Variants in ADARB2 observed in about 807,000 individuals in gnomAD.
ADARB2 encodes the protein inactive double-stranded RNA-specific editase B2.
In ADARB2, 25 loss-of-function variants were observed where a neutral mutation model predicts 62.2. That is an observed-to-expected ratio of 0.40 (90% confidence interval 0.29 to 0.56). ADARB2 has a LOEUF of 0.56. Ranked by LOEUF, ADARB2 falls within the 20% of genes least tolerant of loss-of-function variation. The pLI, the probability that ADARB2 is intolerant of heterozygous loss-of-function variation, is 0.43. For missense variants in ADARB2, 1,071 were observed against 1,077.4 expected (o/e 0.99, Z 0.08); for synonymous variants, 572 against 500.8 (o/e 1.14, Z -1.90).
At chr10:1,572,307 G>C (rs945754474) in intron 1 of ADARB2, among the ~76,000 whole-genome samples, 1 of 152,158 alleles carries the variant, frequency 6.6e-6, no homozygotes, top group Non-Finnish European at 1.5e-5. Flanking sequence ...GAGCTTGCAG[G>C]TGCGTGTGCA....
chr10:1,309,013 GA>G (rs1831658981), intron 3 of ADARB2, among the ~76,000 whole-genome samples: 1 of 152,164 alleles, frequency 6.6e-6, no homozygotes, highest in African/African-American at 2.4e-5. Context: ...AAAAGGCAAT[GA>G]TTTTTTTATA....
intron 1 of ADARB2, among the ~76,000 whole-genome samples, chr10:1,670,603 T>A (rs1834372111): frequency 1.3e-5 from 2 of 152,138 alleles, no homozygotes. Context: ...CCTGCCACAC[T>A]TGACTCATTC....
intron 1 of ADARB2, among the ~76,000 whole-genome samples, chr10:1,468,547 C>G (rs557129918): frequency 6.6e-6 from 1 of 152,218 alleles, no homozygotes; most frequent in African/African-American, 2.4e-5. Context: ...AATCCCCCAG[C>G]GCTGCTATCC....
chr10:1,196,136 C>G (rs1836908365), intron 8 of ADARB2, among the ~76,000 whole-genome samples: 1 of 151,982 alleles, frequency 6.6e-6, no homozygotes, highest in South Asian at 2.1e-4. Context: ...TGCGCAGTGT[C>G]ACCGCCACAC....
chr10:1,247,239 T>C (rs1830994417), intron 4 of ADARB2, among the ~76,000 whole-genome samples: 1 of 152,194 alleles, frequency 6.6e-6, no homozygotes, highest in Admixed American at 6.5e-5. Context: ...GCTGAGACAA[T>C]GGGGTTTTCT....
chr10:1,552,806 A>T (rs777371870), intron 1 of ADARB2, among the ~76,000 whole-genome samples: 1 of 152,168 alleles, frequency 6.6e-6, no homozygotes, highest in Non-Finnish European at 1.5e-5. Context: ...GTCCTGCCGG[A>T]CACTCACCCC....
At chr10:1,271,867 C>T (rs1831266623) in intron 3 of ADARB2, among the ~76,000 whole-genome samples, 1 of 152,232 alleles carries the variant, frequency 6.6e-6, no homozygotes, top group Non-Finnish European at 1.5e-5. Flanking sequence ...CGTTGCAGGC[C>T]TTGGAGTAGG....
At position 1,344,323 on chromosome 10, in the gene ADARB2, G is replaced by T. The variant is rs562113228; in HGVS notation, c.1077+18705C>A. 2.0e-5 allele frequency among the ~76,000 whole-genome samples: 3 copies of T among 152,346 alleles called. No homozygotes were observed. In the South Asian group the frequency reaches 6.2e-4, roughly 32 times the overall value. ...TGTGTGAACTCTTGGAGCCTGCGTG[G>T]CCGTCGCGGCAATGACCTGGTGAGA... On this transcript the variant is annotated intron_variant, in intron 3 of 9. Coordinates refer to ENST00000381312, the MANE Select transcript of ADARB2 (RefSeq NM_018702.4).
At chr10:1,313,896 T>G (rs943524004) in intron 3 of ADARB2, among the ~76,000 whole-genome samples, 1 of 152,226 alleles carries the variant, frequency 6.6e-6, no homozygotes, top group Non-Finnish European at 1.5e-5. Flanking sequence ...CAGCTGGCAA[T>G]GCCAAACACC....
At chr10:1,446,513 T>C (rs1201742858) in intron 1 of ADARB2, among the ~76,000 whole-genome samples, 1 of 152,070 alleles carries the variant, frequency 6.6e-6, no homozygotes, top group Non-Finnish European at 1.5e-5. Flanking sequence ...AGTGGGTAAG[T>C]ATGAGTGCTG....
intron 6 of ADARB2, among the ~76,000 whole-genome samples, chr10:1,232,208 A>G (rs966999633): frequency 6.6e-5 from 10 of 151,916 alleles, no homozygotes; most frequent in Admixed American, 2.0e-4. Flanking sequence ...CACACACACC[A>G]CATACACCAC....
In ADARB2 at chr10:1,398,851, C is replaced by T. The variant is rs1326539237; in HGVS notation, c.101-19691G>A. 3.3e-5 allele frequency among the ~76,000 whole-genome samples: 5 copies of T among 152,064 alleles called. No individual in the cohort carries two copies. The highest frequency in any genetic ancestry group is 2.0e-4 in the Admixed American group (3 of 15,260). On this transcript the variant is annotated intron_variant, in intron 1 of 9. Coordinates refer to ENST00000381312, the MANE Select transcript of ADARB2 (RefSeq NM_018702.4). The surrounding 1 kb of genome is among the most constrained non-coding windows in gnomAD (Gnocchi z 4.1). The stretch of plus-strand genomic sequence containing the variant: ...CTCCGCAGCAGCAGCGCAGCCTGCA[C>T]GAGGTTGCTGGGGGAAACAGACCGC...
chr10:1,422,453 A>G (rs574419587), intron 1 of ADARB2, among the ~76,000 whole-genome samples: 31 of 152,264 alleles, frequency 2.0e-4, no homozygotes, highest in African/African-American at 7.2e-4. Context: ...GGTGGACCTC[A>G]ACCCACCTGG....
chr10:1,194,537 C>T (rs1327716719), intron 8 of ADARB2, among the ~76,000 whole-genome samples: 3 of 151,988 alleles, frequency 2.0e-5, no homozygotes, highest in Non-Finnish European at 4.4e-5. Flanking sequence ...ATCTATCTAT[C>T]TGTCTGTCTG....
chr10:1,456,845 A>G (rs1450457551), intron 1 of ADARB2, among the ~76,000 whole-genome samples: 6 of 152,060 alleles, frequency 3.9e-5, no homozygotes, highest in African/African-American at 9.7e-5. Flanking sequence ...CTGGGGCTGG[A>G]GCGCAATGGC....
chr10:1,423,989 C>T, intron 1 of ADARB2, among the ~76,000 whole-genome samples: 1 of 152,050 alleles, frequency 6.6e-6, no homozygotes, highest in East Asian at 1.9e-4. Context: ...TGCAGTATGA[C>T]CATTATGTAT....
At chr10:1,727,769 A>G (rs975843823) in intron 1 of ADARB2, among the ~76,000 whole-genome samples, 1 of 152,178 alleles carries the variant, frequency 6.6e-6, no homozygotes, top group African/African-American at 2.4e-5. Context: ...CTGTATCTCC[A>G]TAAACAATAG....
chr10:1,504,154 T>C lies in ADARB2; in HGVS notation c.101-124994A>G, dbSNP rs532595286. ...GGATTCCGTTGCTTAAACTGGCTCC[T>C]TCACTTCCATGCTGAGGTCCTGGAT... On this transcript the variant is annotated intron_variant, in intron 1 of 9. Coordinates refer to ENST00000381312, the MANE Select transcript of ADARB2 (RefSeq NM_018702.4). 3.9e-5 allele frequency among the ~76,000 whole-genome samples: 6 copies of C among 152,296 alleles called. No homozygotes were observed. In the East Asian group the frequency reaches 1.2e-3, roughly 29 times the overall value.
intron 1 of ADARB2, among the ~76,000 whole-genome samples, chr10:1,463,865 G>A (rs1831208653): frequency 6.6e-6 from 1 of 152,192 alleles, no homozygotes; most frequent in Non-Finnish European, 1.5e-5. Flanking sequence ...ACAAAAAATG[G>A]TAAAGGGATT....
Sources: gnomAD v4.1 joint callset for allele counts (sites outside exome capture counted in the v4.1 genomes callset) on GRCh38, gnomAD v4.1.1 for gene constraint, Gnocchi (gnomAD v3.1) non-coding constraint, MANE v1.5 for transcripts, NCBI Gene and HGNC (gene_info 2026-07-23, HGNC 2026-07-21) for gene names.